TGFBR2: variants seen among roughly 807,000 people sequenced by gnomAD.
TGFBR2 encodes TGF-beta receptor type-2.
TGFBR2 carries 18 observed loss-of-function variants against 49.0 expected under a neutral mutation model. The observed-to-expected ratio is 0.37, with a 90% CI of 0.25 to 0.54. The LOEUF (loss-of-function observed/expected upper bound fraction) is 0.54. Among genes scored for constraint, TGFBR2 ranks in the 20% least tolerant of loss-of-function variants. TGFBR2 has a pLI of 0.85. For synonymous variants in TGFBR2, 282 were observed against 275.9 expected (o/e 1.02, Z -0.22); for missense variants, 525 against 722.6 (o/e 0.73, Z 3.13).
Position 30,650,327 on chromosome 3 carries a change from C to T in TGFBR2, c.321C>T (p.Pro107=), listed in dbSNP as rs1698856436. The T allele has an allele frequency of 6.2e-7, 1 of 1,614,052 alleles. No homozygotes were observed. Among genetic ancestry groups the T allele is most frequent in the South Asian group, 1.1e-5 (1 of 91,072 alleles). ...CAGTTTGCCATGACCCCAAGCTCCC[C>T]TACCATGACTTTATTCTGGAAGATG... ...LETVCHDPKL[P]YHDFILEDAA... is the part of the protein sequence containing the mutation. Residue 107 remains proline (P), a synonymous_variant, in exon 3 of 7, where the codon CCC becomes CCT. Coordinates refer to ENST00000295754, the MANE Select transcript of TGFBR2 (RefSeq NM_003242.6).
chr3:30,623,258 C>T (rs2125454045), intron 1 of TGFBR2: 1 of 1,613,866 alleles, frequency 6.2e-7, no homozygotes, highest in Non-Finnish European at 8.5e-7. Flanking sequence ...TAGGACTGCC[C>T]ATCCACTGAG....
intron 1 of TGFBR2, among the ~76,000 whole-genome samples, chr3:30,623,045 G>A (rs946490993): frequency 9.2e-5 from 14 of 152,046 alleles, no homozygotes; most frequent in African/African-American, 3.4e-4. Context: ...TGATAACTTT[G>A]AAGAAAACAT....
chr3:30,609,098 G>A (rs1362807072), intron 1 of TGFBR2, among the ~76,000 whole-genome samples: 1 of 152,024 alleles, frequency 6.6e-6, no homozygotes, highest in African/African-American at 2.4e-5. Flanking sequence ...CTTTTTATTT[G>A]GGTATTTAGA....
chr3:30,641,077 C>T (rs1353931754), intron 1 of TGFBR2, among the ~76,000 whole-genome samples: 1 of 152,110 alleles, frequency 6.6e-6, no homozygotes. Context: ...GCCCTCATCC[C>T]ACTCTGACCA....
chr3:30,681,177 A>AG (rs1699533121), intron 5 of TGFBR2, among the ~76,000 whole-genome samples: 1 of 151,222 alleles, frequency 6.6e-6, no homozygotes, highest in African/African-American at 2.4e-5. Flanking sequence ...AAAAAAAAAA[A>AG]AAAAGTGCAA....
At chr3:30,668,546 C>T (rs1699282298) in intron 3 of TGFBR2, among the ~76,000 whole-genome samples, 1 of 152,088 alleles carries the variant, frequency 6.6e-6, no homozygotes, top group Non-Finnish European at 1.5e-5. Flanking sequence ...GTTTGCTGTA[C>T]AACAGGGACA....
chr3:30,679,908 A>G (rs1329060842), intron 5 of TGFBR2, among the ~76,000 whole-genome samples: 1 of 152,204 alleles, frequency 6.6e-6, no homozygotes, highest in Non-Finnish European at 1.5e-5. Flanking sequence ...AAGGCAGATC[A>G]TGAGGTCAGG....
In TGFBR2 at chr3:30,691,882, C is replaced by A; in HGVS notation, c.*283C>A. 2.5e-6 allele frequency: 1 copy of A among 397,828 alleles called. No individual in the cohort carries two copies. The highest frequency in any genetic ancestry group is 4.7e-6 in the Non-Finnish European group (1 of 213,046). The allele number at this position is 397,828 out of a possible 1,614,324, so 24.6% of individuals were successfully genotyped here. A position where few individuals can be genotyped will look rare whatever the true frequency, so the allele number is the denominator to read the frequency against. ...AATAACATTTGCACTTTATTAATGC[C>A]TGTATATAAATATGAATAGCTATGT... On this transcript the variant is annotated 3_prime_UTR_variant, in exon 7 of 7. Coordinates refer to ENST00000295754, the MANE Select transcript of TGFBR2 (RefSeq NM_003242.6).
intron 3 of TGFBR2, among the ~76,000 whole-genome samples, chr3:30,657,309 T>A (rs1479505899): frequency 6.6e-6 from 1 of 152,196 alleles, no homozygotes; most frequent in Non-Finnish European, 1.5e-5. Context: ...GACCCATCAC[T>A]GAGCATGTCC....
At chr3:30,650,220 C>CT in intron 2 of TGFBR2, 50 bp from the exon 3 acceptor site, 1 of 1,574,568 alleles carries the variant, frequency 6.4e-7, no homozygotes, top group Non-Finnish European at 8.7e-7. Context: ...CATTTATTCT[C>CT]TTTCTCTCTC....
At chr3:30,650,676 C>G (rs1288523818) in intron 3 of TGFBR2, among the ~76,000 whole-genome samples, 1 of 152,138 alleles carries the variant, frequency 6.6e-6, no homozygotes, top group African/African-American at 2.4e-5. Context: ...TATTATTTGT[C>G]TTTGACAAAT....
At chr3:30,648,865 A>G (rs1698826280) in intron 2 of TGFBR2, among the ~76,000 whole-genome samples, 1 of 152,104 alleles carries the variant, frequency 6.6e-6, no homozygotes, top group African/African-American at 2.4e-5. Context: ...TTGTCAACAT[A>G]TTGTCCTTTA....
At chr3:30,615,600 G>A (rs1211647502) in intron 1 of TGFBR2, among the ~76,000 whole-genome samples, 1 of 152,118 alleles carries the variant, frequency 6.6e-6, no homozygotes, top group Non-Finnish European at 1.5e-5. Context: ...TGGAAGAGAT[G>A]ATCAAAGAGT....
chr3:30,671,811 A>G lies in TGFBR2; in HGVS notation c.628A>G (p.Met210Val), dbSNP rs763709160. ...TWETGKTRKL[M>V]EFSEHCAIIL... Reference sequence around the variant, plus strand: ...GGAAACCGGCAAGACGCGGAAGCTCATGGAGTTCAGCGAGCACTGTGCCAT... The same window carrying G: ...GGAAACCGGCAAGACGCGGAAGCTCGTGGAGTTCAGCGAGCACTGTGCCAT... The change falls in exon 4 of 7, where the codon ATG (methionine) becomes GTG (valine). Residue 210 changes from methionine (M) to valine (V), a missense_variant. Around this residue, in one of 3 missense-constraint regions of TGFBR2, gnomAD observed 376 missense variants for 478.2 expected, o/e 0.79. Transcript: ENST00000295754. The G allele has an allele frequency of 3.7e-6, 6 of 1,614,204 alleles. No homozygotes were observed. Among genetic ancestry groups the G allele is most frequent in the African/African-American group, 2.7e-5 (2 of 75,060 alleles).
intron 1 of TGFBR2, among the ~76,000 whole-genome samples, chr3:30,632,388 T>G (rs1000111238): frequency 1.3e-5 from 2 of 152,210 alleles, no homozygotes; most frequent in African/African-American, 4.8e-5. Context: ...CCTATGCTGG[T>G]TATGAACAAT....
At chr3:30,608,637 A>T (rs977313861) in intron 1 of TGFBR2, among the ~76,000 whole-genome samples, 1 of 152,196 alleles carries the variant, frequency 6.6e-6, no homozygotes, top group African/African-American at 2.4e-5. Flanking sequence ...GGAACTTTTT[A>T]AAAATTATGG....
intron 1 of TGFBR2, among the ~76,000 whole-genome samples, chr3:30,614,476 AT>A (rs1331150810): frequency 6.6e-6 from 1 of 152,154 alleles, no homozygotes; most frequent in African/African-American, 2.4e-5. Context: ...TTCATTTCCT[AT>A]GGGGCGATAA....
intron 6 of TGFBR2, 131 bp downstream of exon 6, chr3:30,688,642 G>A: frequency 7.5e-7 from 1 of 1,339,638 alleles, no homozygotes; most frequent in East Asian, 2.5e-5. Context: ...GTTAAATTTT[G>A]TTTATAAAGC....
At chr3:30,666,739 A>G (rs1699252034) in intron 3 of TGFBR2, among the ~76,000 whole-genome samples, 1 of 150,634 alleles carries the variant, frequency 6.6e-6, no homozygotes, top group Non-Finnish European at 1.5e-5. Flanking sequence ...TGCCTCAAGT[A>G]AAGTAATCCT....
Sources: gnomAD v4.1 joint callset for allele counts (sites outside exome capture counted in the v4.1 genomes callset) on GRCh38, gnomAD v4.1.1 for gene constraint, gnomAD v4.1.1 regional missense constraint, MANE v1.5 for transcripts, NCBI Gene and HGNC (gene_info 2026-07-23, HGNC 2026-07-21) for gene names.